The following KCNIP4 variants were observed in gnomAD, a reference collection of about 807,000 sequenced individuals.
The protein encoded by KCNIP4 is Kv channel-interacting protein 4.
A neutral mutation model predicts 34.0 loss-of-function variants in KCNIP4; 12 were observed. That is an observed-to-expected ratio of 0.35 (90% CI 0.23 to 0.57). KCNIP4 has a LOEUF of 0.57. Ranked by LOEUF, KCNIP4 falls within the 20% of genes least tolerant of loss-of-function variation. The probability of loss-of-function intolerance (pLI) is 0.83; values close to 1 mark genes in which losing one functional copy is unlikely to be tolerated. For missense variants in KCNIP4, 238 were observed against 311.7 expected (o/e 0.76, Z 1.78); for synonymous variants, 124 against 102.2 (o/e 1.21, Z -1.29).
intron 1 of KCNIP4, among the ~76,000 whole-genome samples, chr4:21,757,490 G>T (rs1390653690): frequency 6.6e-6 from 1 of 152,116 alleles, no homozygotes; most frequent in Non-Finnish European, 1.5e-5. Flanking sequence ...TTATCATGAT[G>T]TAATGCCTCC....
intron 1 of KCNIP4, among the ~76,000 whole-genome samples, chr4:21,694,504 T>A (rs1180275713): frequency 6.6e-6 from 1 of 152,144 alleles, no homozygotes; most frequent in Non-Finnish European, 1.5e-5. Flanking sequence ...CTTTGAGAAG[T>A]GATCTGCCAT....
chr4:21,726,666 A>T (rs533677626), intron 1 of KCNIP4, among the ~76,000 whole-genome samples: 5 of 152,160 alleles, frequency 3.3e-5, no homozygotes, highest in Non-Finnish European at 7.4e-5. Flanking sequence ...TTCAGAAATA[A>T]ATCATTTATC....
At chr4:21,417,126 T>C (rs1004298806) in intron 1 of KCNIP4, among the ~76,000 whole-genome samples, 1 of 152,116 alleles carries the variant, frequency 6.6e-6, no homozygotes, top group Non-Finnish European at 1.5e-5. Flanking sequence ...GAGATCAGGG[T>C]CTTCACTCCC....
At chr4:21,233,979 A>G (rs1477770944) in intron 1 of KCNIP4, among the ~76,000 whole-genome samples, 1 of 137,532 alleles carries the variant, frequency 7.3e-6, no homozygotes, top group Non-Finnish European at 1.5e-5. Context: ...TATATAACAT[A>G]TATAACATAT....
chr4:21,273,226 G>A lies in KCNIP4; in HGVS notation c.62-390517C>T, dbSNP rs551364501. On this transcript the variant is annotated intron_variant, in intron 1 of 8. Coordinates refer to ENST00000382152, the MANE Select transcript of KCNIP4 (RefSeq NM_025221.6). ...TTAACACAATTCCTGGTCAATATAA[G>A]TGTCTGCCCCACTACACCCCCATTA... Among the ~76,000 whole-genome samples, 11 of 152,048 alleles carry A rather than the reference G, an allele frequency of 7.2e-5. No individual in the cohort carries two copies. In the South Asian group the frequency reaches 2.3e-3, roughly 32 times the overall value.
At chr4:21,029,101 A>T (rs1237336327) in intron 1 of KCNIP4, among the ~76,000 whole-genome samples, 1 of 152,184 alleles carries the variant, frequency 6.6e-6, no homozygotes, top group African/African-American at 2.4e-5. Context: ...ATTTGACTTA[A>T]TTATCTATAC....
intron 1 of KCNIP4, among the ~76,000 whole-genome samples, chr4:21,183,856 C>T (rs1438687301): frequency 2.0e-5 from 3 of 151,884 alleles, no homozygotes; most frequent in Non-Finnish European, 2.9e-5. Context: ...TAGATCTTAG[C>T]TCTAATGTCA....
chr4:20,999,414 G>GTTTTTTTCTT (rs1737861623), intron 1 of KCNIP4, among the ~76,000 whole-genome samples: 1 of 95,344 alleles, frequency 1.0e-5, no homozygotes, highest in African/African-American at 4.7e-5. Context: ...TTGTGGTGGT[G>GTTTTTTTCTT]TTTTTTTTTT....
At chr4:21,257,109 G>A (rs1170159547) in intron 1 of KCNIP4, among the ~76,000 whole-genome samples, 2 of 152,146 alleles carry the variant, frequency 1.3e-5, no homozygotes, top group Non-Finnish European at 2.9e-5. Context: ...TGGATGCTGA[G>A]ATAAACTCTT....
chr4:21,762,197 T>A (rs1368335202), intron 1 of KCNIP4, among the ~76,000 whole-genome samples: 2 of 152,168 alleles, frequency 1.3e-5, no homozygotes, highest in African/African-American at 4.8e-5. Context: ...CAGGTGAAAT[T>A]AAATTTAATA....
At chr4:21,931,048 T>A (rs1729534053) in intron 1 of KCNIP4, among the ~76,000 whole-genome samples, 1 of 152,102 alleles carries the variant, frequency 6.6e-6, no homozygotes, top group Non-Finnish European at 1.5e-5. Flanking sequence ...TAAACCTCAG[T>A]CATGATTTGG....
At chr4:21,011,955 A>G (rs1172651419) in intron 1 of KCNIP4, among the ~76,000 whole-genome samples, 1 of 152,256 alleles carries the variant, frequency 6.6e-6, no homozygotes, top group Non-Finnish European at 1.5e-5. Context: ...TTATAATGAA[A>G]GAAGCTCTAA....
At chr4:21,634,816 G>A (rs1746012337) in intron 1 of KCNIP4, among the ~76,000 whole-genome samples, 1 of 152,098 alleles carries the variant, frequency 6.6e-6, no homozygotes, top group Non-Finnish European at 1.5e-5. Context: ...ACTCTGAACA[G>A]AATATTATAA....
At chr4:21,010,400 CTT>C (rs1738962636) in intron 1 of KCNIP4, among the ~76,000 whole-genome samples, 1 of 152,196 alleles carries the variant, frequency 6.6e-6, no homozygotes, top group Non-Finnish European at 1.5e-5. Flanking sequence ...GAACCACACT[CTT>C]AGTCTAATGA....
Position 21,065,763 on chromosome 4 carries a change from TATAA to T in KCNIP4, c.62-183058_62-183055del, listed in dbSNP as rs1291806343. On this transcript the variant is annotated intron_variant, in intron 1 of 8. Transcript: ENST00000382152. ...ATATATATATATATATATATATATA[TATAA>T]CTCAATTTTATTTTAAAAAATAGTA... is the stretch of plus-strand genomic sequence containing the variant. Among the ~76,000 whole-genome samples, 158 of 117,994 alleles carry T rather than the reference TATAA, an allele frequency of 1.3e-3. 1 individual carries two copies. The highest frequency in any genetic ancestry group is 3.5e-3 in the African/African-American group (116 of 32,808). The allele number at this position is 117,994 out of a possible 152,430, so 77.4% of individuals were successfully genotyped here. A position where few individuals can be genotyped will look rare whatever the true frequency, so the allele number is the denominator to read the frequency against.
intron 1 of KCNIP4, among the ~76,000 whole-genome samples, chr4:21,434,895 T>C (rs562060406): frequency 2.0e-5 from 3 of 152,196 alleles, no homozygotes; most frequent in Admixed American, 6.5e-5. Flanking sequence ...TCTAGATAAG[T>C]TACTGCTTTC....
At chr4:21,923,979 A>G (rs1193022005) in intron 1 of KCNIP4, among the ~76,000 whole-genome samples, 1 of 152,188 alleles carries the variant, frequency 6.6e-6, no homozygotes, top group Non-Finnish European at 1.5e-5. Context: ...GGTGCCACAG[A>G]AGAGAGTCAG....
At chr4:20,955,057 A>T (rs900050344) in intron 1 of KCNIP4, among the ~76,000 whole-genome samples, 1 of 152,118 alleles carries the variant, frequency 6.6e-6, no homozygotes, top group Admixed American at 6.5e-5. Context: ...AGGGTAGAGG[A>T]AGCATAGTTC....
At chr4:21,768,442 G>T (rs1208124311) in intron 1 of KCNIP4, among the ~76,000 whole-genome samples, 1 of 152,010 alleles carries the variant, frequency 6.6e-6, no homozygotes, top group South Asian at 2.1e-4. Flanking sequence ...GCTTCACCTT[G>T]GTGTTGTGGT....
Sources: allele counts gnomAD v4.1 joint callset (sites outside exome capture counted in the v4.1 genomes callset), GRCh38; gene constraint gnomAD v4.1.1; transcripts MANE v1.5; gene names NCBI Gene and HGNC (gene_info 2026-07-23, HGNC 2026-07-21).